The following SPP2 variants were observed in gnomAD, a reference collection of about 807,000 sequenced individuals.
SPP2 encodes secreted phosphoprotein 24.
A neutral mutation model predicts 28.8 loss-of-function variants in SPP2; 34 were observed. The ratio of observed to expected loss-of-function variants is 1.18; its 90% CI spans 0.90 to 1.57. The LOEUF is 1.57. Ranked by LOEUF, SPP2 falls within the 40% of genes most tolerant of loss-of-function variation. The probability of loss-of-function intolerance (pLI) is 0.00; values close to 1 mark genes in which losing one functional copy is unlikely to be tolerated. For missense variants in SPP2, 269 were observed against 263.9 expected (o/e 1.02, Z -0.13); for synonymous variants, 96 against 89.4 (o/e 1.07, Z -0.42).
intron 3 of SPP2, among the ~76,000 whole-genome samples, chr2:234,059,355 C>A (rs762246478): frequency 2.1e-4 from 32 of 152,182 alleles, no homozygotes; most frequent in Non-Finnish European, 4.3e-4. Flanking sequence ...TGAATGACAT[C>A]TGTCTTCCCC....
chr2:234,070,097 AC>A, intron 7 of SPP2, 74 bp downstream of exon 7: 4 of 1,192,516 alleles, frequency 3.4e-6, no homozygotes, highest in Non-Finnish European at 4.9e-6. Flanking sequence ...AAAACTGCTG[AC>A]CTTCAAATAT....
In SPP2 at chr2:234,069,192, A is replaced by AG. The variant is rs1693885712; in HGVS notation, c.551-736_551-735insG. Among the ~76,000 whole-genome samples, 6 of 149,678 alleles carry AG rather than the reference A, an allele frequency of 4.0e-5. No homozygotes were observed. The South Asian group carries it at 6.3e-4, about 16-fold the overall frequency. ...CCCCCAGAGATGATTATTTGAGAGA[A>AG]AGAGAGAGAGAGAGAGAGAGAGAAT... On this transcript the variant is annotated intron_variant, in intron 6 of 7. Coordinates refer to ENST00000168148, the MANE Select transcript of SPP2 (RefSeq NM_006944.3).
At chr2:234,056,513 C>T (rs1295326107) in intron 2 of SPP2, among the ~76,000 whole-genome samples, 1 of 152,126 alleles carries the variant, frequency 6.6e-6, no homozygotes, top group Non-Finnish European at 1.5e-5. Flanking sequence ...CTTCAAGATG[C>T]AAAAGAGGTT....
intron 2 of SPP2, among the ~76,000 whole-genome samples, chr2:234,053,444 A>G (rs1412476359): frequency 6.6e-6 from 1 of 152,096 alleles, no homozygotes; most frequent in African/African-American, 2.4e-5. Flanking sequence ...TACCAAGTGC[A>G]GTGATTCTCT....
At chr2:234,072,508 G>C (rs563760281) in intron 7 of SPP2, among the ~76,000 whole-genome samples, 2 of 152,172 alleles carry the variant, frequency 1.3e-5, no homozygotes, top group East Asian at 3.9e-4. Flanking sequence ...GTATACATAT[G>C]TGTATTGCAA....
intron 4 of SPP2, among the ~76,000 whole-genome samples, chr2:234,065,856 T>C (rs1215226577): frequency 6.6e-6 from 1 of 152,256 alleles, no homozygotes; most frequent in Admixed American, 6.5e-5. Context: ...TGATCCATGT[T>C]GACTTGATTT....
chr2:234,059,096 C>G, intron 3 of SPP2, 138 bp downstream of exon 3: 1 of 1,033,992 alleles, frequency 9.7e-7, no homozygotes, highest in South Asian at 2.2e-5. Context: ...CATTGTGTCC[C>G]CTGGTGGGGG....
In SPP2 at chr2:234,050,781, A is replaced by T; in HGVS notation, c.-6A>T. The stretch of plus-strand genomic sequence containing the variant: ...GAGAGACACTCTCTGTCTCTCGATT[A>T]CAATCATGATTTCCAGAATGGAGAA... On this transcript the variant is annotated 5_prime_UTR_variant, in exon 1 of 8. Coordinates refer to ENST00000168148, the MANE Select transcript of SPP2 (RefSeq NM_006944.3). 6.2e-7 allele frequency: 1 copy of T among 1,613,394 alleles called. No individual in the cohort carries two copies. Among genetic ancestry groups the T allele is most frequent in the Non-Finnish European group, 8.5e-7 (1 of 1,179,342 alleles).
chr2:234,066,511 C>T, intron 4 of SPP2, 22 bp from the exon 5 acceptor site: 2 of 1,606,736 alleles, frequency 1.2e-6, no homozygotes, highest in South Asian at 1.1e-5. Flanking sequence ...GCTGACACAT[C>T]CTGATGCCTG....
chr2:234,072,991 G>A (rs893933325), intron 7 of SPP2, among the ~76,000 whole-genome samples: 3 of 152,160 alleles, frequency 2.0e-5, no homozygotes, highest in African/African-American at 4.8e-5. Flanking sequence ...AGGTTCAAGC[G>A]ATTCTCCTGC....
At chr2:234,058,735 C>A in intron 2 of SPP2, 101 bp from the exon 3 acceptor site, 1 of 1,344,554 alleles carries the variant, frequency 7.4e-7, no homozygotes, top group Non-Finnish European at 1.0e-6. Context: ...TCATGGTGGA[C>A]AATTCTGTAA....
chr2:234,073,267 G>A (rs1311364803), intron 7 of SPP2, among the ~76,000 whole-genome samples: 1 of 152,186 alleles, frequency 6.6e-6, no homozygotes, highest in African/African-American at 2.4e-5. Flanking sequence ...TTAATGATAT[G>A]TCTATACAAA....
intron 2 of SPP2, 125 bp downstream of exon 2, chr2:234,051,220 C>A: frequency 7.9e-7 from 1 of 1,261,356 alleles, no homozygotes; most frequent in Non-Finnish European, 1.1e-6. Flanking sequence ...TCATCTCTTT[C>A]ATACTGTCTC....
At chr2:234,066,435 A>C in intron 4 of SPP2, 98 bp from the exon 5 acceptor site, 1 of 928,752 alleles carries the variant, frequency 1.1e-6, no homozygotes, top group Non-Finnish European at 1.7e-6. Context: ...ATTATATAAC[A>C]TATATCAGAG....
Position 234,068,260 on chromosome 2 carries a change from C to G in SPP2, c.550+986C>G, listed in dbSNP as rs569605143. ...AACACAATTTTCTTCTTCAGTGTCA[C>G]AAACATTCTGTGAGGTAGCACTATG... On this transcript the variant is annotated intron_variant, in intron 6 of 7. Coordinates refer to ENST00000168148, the MANE Select transcript of SPP2 (RefSeq NM_006944.3). 3.9e-5 allele frequency among the ~76,000 whole-genome samples: 6 copies of G among 152,312 alleles called. No individual in the cohort carries two copies. In the East Asian group the frequency reaches 1.2e-3, roughly 29 times the overall value.
At chr2:234,059,049 G>T in intron 3 of SPP2, 91 bp downstream of exon 3, 3 of 1,480,558 alleles carry the variant, frequency 2.0e-6, no homozygotes, top group Non-Finnish European at 2.7e-6. Context: ...CTTGGTCGCT[G>T]CCTGGCTAGC....
chr2:234,058,894 C>T lies in SPP2; in HGVS notation c.269C>T (p.Thr90Ile). ...AATTTAGAGTTCAGCATCCGGGAGACTACATGCAGGAAGGATTCTGGAGAA... is the reference window on the plus strand; with the variant it reads ...AATTTAGAGTTCAGCATCCGGGAGATTACATGCAGGAAGGATTCTGGAGAA... ...VMNLEFSIRE[T>I]TCRKDSGEDP... The change falls in exon 3 of 8, where the codon ACT (threonine) becomes ATT (isoleucine). Residue 90 changes from threonine (T) to isoleucine (I), a missense_variant. Transcript: ENST00000168148. 4 of 1,614,044 alleles carry T rather than the reference C, an allele frequency of 2.5e-6. No homozygotes were observed. Among genetic ancestry groups the T allele is most frequent in the Non-Finnish European group, 3.4e-6 (4 of 1,179,960 alleles).
intron 4 of SPP2, among the ~76,000 whole-genome samples, chr2:234,065,666 G>C (rs956462529): frequency 2.6e-5 from 4 of 152,026 alleles, no homozygotes; most frequent in Non-Finnish European, 2.9e-5. Context: ...TCAAATCCTT[G>C]CCTATGATTT....
rs1221118003 is a variant in SPP2 at position 234,053,354 on chromosome 2, T to TAGTC, written c.210+2261_210+2264dup. 5.9e-5 allele frequency among the ~76,000 whole-genome samples: 9 copies of TAGTC among 152,308 alleles called. No homozygotes were observed. The East Asian group carries it at 1.4e-3, about 23-fold the overall frequency. ...ATATGTTCAAAGCAAATAAGTGGTTTAGTCATGAGTATTTGGGGGTACAGT... is the reference window on the plus strand; with the variant it reads ...ATATGTTCAAAGCAAATAAGTGGTTTAGTCAGTCATGAGTATTTGGGGGTACAGT... On this transcript the variant is annotated intron_variant, in intron 2 of 7. Coordinates refer to ENST00000168148, the MANE Select transcript of SPP2 (RefSeq NM_006944.3).
Sources: gnomAD v4.1 joint callset for allele counts (sites outside exome capture counted in the v4.1 genomes callset) on GRCh38, gnomAD v4.1.1 for gene constraint, MANE v1.5 for transcripts, NCBI Gene and HGNC (gene_info 2026-07-23, HGNC 2026-07-21) for gene names.